MAP2K5: variants seen among roughly 807,000 people sequenced by gnomAD.
MAP2K5 encodes the protein mitogen-activated protein kinase kinase 5, also known as dual specificity mitogen-activated protein kinase kinase 5.
Under a neutral mutation model 83.1 loss-of-function variants are expected in MAP2K5, and 49 were observed. The ratio of observed to expected loss-of-function variants is 0.59; its 90% CI spans 0.47 to 0.75. MAP2K5 has a LOEUF of 0.75. MAP2K5 is among the 30% of genes least tolerant of loss of function. The probability of loss-of-function intolerance (pLI) is 0.00; values close to 1 mark genes in which losing one functional copy is unlikely to be tolerated. For synonymous variants in MAP2K5, 202 were observed against 191.8 expected (o/e 1.05, Z -0.44); for missense variants, 457 against 557.5 (o/e 0.82, Z 1.82).
At chr15:67,737,844 C>CTTTTTTTTTTT (rs35988425) in intron 17 of MAP2K5, among the ~76,000 whole-genome samples, 2 of 69,296 alleles carry the variant, frequency 2.9e-5, no homozygotes, top group East Asian at 5.4e-4. Context: ...ATAGAATAGT[C>CTTTTTTTTTTT]TTTTTTTTTT....
intron 14 of MAP2K5, 91 bp from the exon 15 acceptor site, chr15:67,693,427 G>C (rs2088165670): frequency 8.2e-6 from 8 of 977,392 alleles, no homozygotes; most frequent in Non-Finnish European, 1.3e-5. Flanking sequence ...TGATTTATAT[G>C]AATGATGATT....
At chr15:67,564,403 TA>T (rs950949468) in intron 3 of MAP2K5, among the ~76,000 whole-genome samples, 3 of 152,218 alleles carry the variant, frequency 2.0e-5, no homozygotes, top group Admixed American at 2.0e-4. Flanking sequence ...ACCCTAATCT[TA>T]GTCAACAGTT....
intron 2 of MAP2K5, among the ~76,000 whole-genome samples, chr15:67,550,285 G>A (rs575416370): frequency 5.6e-4 from 85 of 152,174 alleles, no homozygotes; most frequent in Non-Finnish European, 1.1e-3. Context: ...TATCTTGGGT[G>A]AGCATATTTC....
At chr15:67,714,138 G>A (rs1335743680) in intron 16 of MAP2K5, among the ~76,000 whole-genome samples, 1 of 152,116 alleles carries the variant, frequency 6.6e-6, no homozygotes, top group East Asian at 1.9e-4. Context: ...AGCCTACAAT[G>A]TATTAAGGGA....
chr15:67,751,686 T>C (rs2089721140), intron 19 of MAP2K5, among the ~76,000 whole-genome samples: 1 of 152,236 alleles, frequency 6.6e-6, no homozygotes, highest in African/African-American at 2.4e-5. Flanking sequence ...CGGAGTGTGG[T>C]GAATATCATT....
rs2089610803 is a variant in MAP2K5 at position 67,746,588 on chromosome 15, G to T, written c.1075-1643G>T. ...TAACCACTTCCGGGTGGTGGTTACA[G>T]CTCCGCCTTCCCTTGTAATGTAAAT... is the stretch of plus-strand genomic sequence containing the variant. On this transcript the variant is annotated intron_variant, in intron 17 of 21. Coordinates refer to ENST00000178640, the MANE Select transcript of MAP2K5 (RefSeq NM_145160.3). This position sits in a 1 kb window ranked among gnomAD's most constrained non-coding sequence, Gnocchi z 4.1. Among the ~76,000 whole-genome samples the T allele has an allele frequency of 6.6e-6, 1 of 152,154 alleles. No homozygotes were observed. Among genetic ancestry groups the T allele is most frequent in the Non-Finnish European group, 1.5e-5 (1 of 68,030 alleles).
chr15:67,579,997 T>C (rs145093378), intron 3 of MAP2K5, among the ~76,000 whole-genome samples: 1 of 152,308 alleles, frequency 6.6e-6, no homozygotes, highest in East Asian at 1.9e-4. Flanking sequence ...CATTATAAGA[T>C]GTGAGAGCAC....
At chr15:67,683,985 CA>C (rs2087886171) in intron 13 of MAP2K5, among the ~76,000 whole-genome samples, 1 of 152,156 alleles carries the variant, frequency 6.6e-6, no homozygotes, top group Non-Finnish European at 1.5e-5. Flanking sequence ...CACAGAAACC[CA>C]AACAAAGCTC....
At chr15:67,618,569 A>G (rs1438171865) in intron 8 of MAP2K5, among the ~76,000 whole-genome samples, 4 of 152,198 alleles carry the variant, frequency 2.6e-5, no homozygotes, top group African/African-American at 9.7e-5. Context: ...TTTCAAAATT[A>G]TCTAAAACCG....
intron 19 of MAP2K5, among the ~76,000 whole-genome samples, chr15:67,762,841 T>G (rs1404415221): frequency 1.3e-5 from 2 of 152,176 alleles, no homozygotes; most frequent in African/African-American, 4.8e-5. Flanking sequence ...AAAGGGTTTA[T>G]GGGTAGGATG....
Position 67,640,499 on chromosome 15 carries a change from G to A in MAP2K5, c.586-5732G>A. On this transcript the variant is annotated intron_variant, in intron 9 of 21. Coordinates refer to ENST00000178640, the MANE Select transcript of MAP2K5 (RefSeq NM_145160.3). This position sits in a 1 kb window ranked among gnomAD's most constrained non-coding sequence, Gnocchi z 4.6. ...CCCAGTGACCTCAGCTGTGAAACGG[G>A]GCTGCCTGATGTCACAGAGGATTGT... The A allele has an allele frequency of 2.6e-6, 2 of 770,218 alleles. No individual in the cohort carries two copies. The highest frequency in any genetic ancestry group is 3.2e-6 in the Non-Finnish European group (2 of 633,634). 47.7% of individuals were successfully genotyped at this position (770,218 alleles called of 1,614,324 possible). A position where few individuals can be genotyped will look rare whatever the true frequency, so the allele number is the denominator to read the frequency against.
chr15:67,567,643 C>T (rs533261008), intron 3 of MAP2K5, among the ~76,000 whole-genome samples: 46 of 152,230 alleles, frequency 3.0e-4, no homozygotes, highest in African/African-American at 9.6e-4. Flanking sequence ...AGATTACAGG[C>T]GTGAGCCACC....
At chr15:67,798,586 G>A (rs888945569) in intron 21 of MAP2K5, among the ~76,000 whole-genome samples, 2 of 152,114 alleles carry the variant, frequency 1.3e-5, no homozygotes, top group Non-Finnish European at 2.9e-5. Context: ...TCCATTTCTG[G>A]CCTATTACTC....
intron 13 of MAP2K5, among the ~76,000 whole-genome samples, chr15:67,688,357 T>G (rs1054681046): frequency 6.6e-6 from 1 of 152,270 alleles, no homozygotes; most frequent in African/African-American, 2.4e-5. Context: ...AGGGATCATT[T>G]TAGCTGCTGT....
intron 15 of MAP2K5, among the ~76,000 whole-genome samples, chr15:67,697,738 A>G (rs1223474104): frequency 6.6e-6 from 1 of 152,268 alleles, no homozygotes; most frequent in Non-Finnish European, 1.5e-5. Context: ...ACCCAAATAC[A>G]GCCAGCTAAG....
chr15:67,688,639 A>G (rs556150104), intron 13 of MAP2K5, among the ~76,000 whole-genome samples: 1 of 152,360 alleles, frequency 6.6e-6, no homozygotes, highest in East Asian at 1.9e-4. Context: ...ACCAATTGAT[A>G]ATGATAATAC....
Position 67,630,901 on chromosome 15 carries a change from C to T in MAP2K5, c.559C>T (p.Pro187Ser). The T allele has an allele frequency of 6.2e-7, 1 of 1,609,834 alleles. No homozygotes were observed. The highest frequency in any genetic ancestry group is 8.5e-7 in the Non-Finnish European group (1 of 1,177,704). ...TTCTTCCCATAGAGCATATCATGTC[C>T]CGAGTGGGAAAATATTAGCTGTAAA... ...GGTVYKAYHV[P>S]SGKILAVKVI... The change falls in exon 9 of 22, where the codon CCG becomes TCG. Residue 187 changes from proline (P) to serine (S), a missense_variant. Around this residue, in one of 3 missense-constraint regions of MAP2K5, gnomAD observed 234 missense variants for 243.6 expected, o/e 0.96. Transcript: ENST00000178640.
At chr15:67,683,559 C>G (rs530996083) in intron 13 of MAP2K5, among the ~76,000 whole-genome samples, 2 of 152,112 alleles carry the variant, frequency 1.3e-5, no homozygotes, top group African/African-American at 4.8e-5. Context: ...GTCAGGAGTT[C>G]GAGACCAGCT....
intron 8 of MAP2K5, among the ~76,000 whole-genome samples, chr15:67,626,841 A>G (rs1183624992): frequency 6.6e-6 from 1 of 152,146 alleles, no homozygotes; most frequent in African/African-American, 2.4e-5. Flanking sequence ...TCAAGGTCAC[A>G]ATGAACTAAT....
Sources: allele counts gnomAD v4.1 joint callset (sites outside exome capture counted in the v4.1 genomes callset), GRCh38; gene constraint gnomAD v4.1.1; regional missense constraint gnomAD v4.1.1; non-coding constraint Gnocchi (gnomAD v3.1); transcripts MANE v1.5; gene names NCBI Gene and HGNC (gene_info 2026-07-23, HGNC 2026-07-21).